Variants in IL10RB observed in about 807,000 individuals in gnomAD.
IL10RB encodes interleukin 10 receptor subunit beta.
In IL10RB, 30 loss-of-function variants were observed where a neutral mutation model predicts 38.7. That is an observed-to-expected ratio of 0.78 (90% CI 0.58 to 1.05). The LOEUF is 1.05. IL10RB is among the 50% of genes least tolerant of loss of function. IL10RB has a pLI of 0.00. For missense variants in IL10RB, 328 were observed against 397.1 expected (o/e 0.83, Z 1.48); for synonymous variants, 142 against 145.9 (o/e 0.97, Z 0.19).
intron 4 of IL10RB, among the ~76,000 whole-genome samples, chr21:33,280,881 T>C (rs1989268176): frequency 6.6e-6 from 1 of 152,212 alleles, no homozygotes; most frequent in East Asian, 1.9e-4. Flanking sequence ...AGTTAATTTT[T>C]TTCCCCAAAA....
chr21:33,276,084 T>G (rs1989165210), intron 2 of IL10RB, among the ~76,000 whole-genome samples: 3 of 152,238 alleles, frequency 2.0e-5, no homozygotes, highest in African/African-American at 7.2e-5. Context: ...GCTGCAGACC[T>G]TCGATTTGTA....
chr21:33,296,434 C>A lies in IL10RB; in HGVS notation c.*77C>A. 2 of 1,456,312 alleles carry A rather than the reference C, an allele frequency of 1.4e-6. No homozygotes were observed. Among genetic ancestry groups the A allele is most frequent in the Non-Finnish European group, 9.5e-7 (1 of 1,054,372 alleles). The allele number at this position is 1,456,312 out of a possible 1,614,324, so 90.2% of individuals were successfully genotyped here. The stretch of plus-strand genomic sequence containing the variant: ...CATCTGCCTCAGTGAGGGATCAGGG[C>A]AGCAAACAAGGGCCAAGACCATCTG... On this transcript the variant is annotated 3_prime_UTR_variant, in exon 7 of 7. Coordinates refer to ENST00000290200, the MANE Select transcript of IL10RB (RefSeq NM_000628.5).
intron 2 of IL10RB, among the ~76,000 whole-genome samples, chr21:33,270,220 T>C (rs1056940779): frequency 6.6e-6 from 1 of 152,212 alleles, no homozygotes. Flanking sequence ...ATGTGCATTT[T>C]CTAGTACTGA....
In IL10RB at chr21:33,296,718, C is replaced by G. The variant is rs2082968923; in HGVS notation, c.*361C>G. 7.9e-6 allele frequency: 3 copies of G among 380,604 alleles called. No individual in the cohort carries two copies. Among genetic ancestry groups the G allele is most frequent in the Non-Finnish European group, 1.5e-5 (3 of 193,578 alleles). 23.6% of individuals were successfully genotyped at this position (380,604 alleles called of 1,614,324 possible). ...AATACCAGCACCTTAGAGGTCGAGG[C>G]AGGCGGATCACTTGAGGTCAGGAGT... On this transcript the variant is annotated 3_prime_UTR_variant, in exon 7 of 7. Transcript: ENST00000290200.
Position 33,274,368 on chromosome 21 carries a change from T to A in IL10RB, c.174-2228T>A, listed in dbSNP as rs145756897. On this transcript the variant is annotated intron_variant, in intron 2 of 6. Coordinates refer to ENST00000290200, the MANE Select transcript of IL10RB (RefSeq NM_000628.5). ...ATTTTTTTTTTAGTAAAGTCAGGGT[T>A]TCACCATGTTGGCCAGGCTGGTCTC... is the stretch of plus-strand genomic sequence containing the variant. Among the ~76,000 whole-genome samples, 363 of 152,158 alleles carry A rather than the reference T, an allele frequency of 2.4e-3. 3 individuals are homozygous for A. The highest frequency in any genetic ancestry group is 8.2e-3 in the African/African-American group (342 of 41,510).
intron 6 of IL10RB, among the ~76,000 whole-genome samples, chr21:33,292,933 A>G (rs1375199022): frequency 6.6e-6 from 1 of 152,214 alleles, no homozygotes; most frequent in Non-Finnish European, 1.5e-5. Flanking sequence ...CCGTGCCAGC[A>G]GCCTCCTGTG....
At position 33,276,344 on chromosome 21, in the gene IL10RB, C is replaced by T. The variant is rs1020355353; in HGVS notation, c.174-252C>T. 5.9e-5 allele frequency among the ~76,000 whole-genome samples: 9 copies of T among 152,230 alleles called. No homozygotes were observed. In the East Asian group the frequency reaches 1.5e-3, roughly 26 times the overall value. ...TCAATGTCTCATAAATCACATGCCC[C>T]TGTTTTCAAAAATACGTAATCAAGG... On this transcript the variant is annotated intron_variant, in intron 2 of 6. Coordinates refer to ENST00000290200, the MANE Select transcript of IL10RB (RefSeq NM_000628.5).
chr21:33,269,132 C>T (rs1278676136), intron 2 of IL10RB, among the ~76,000 whole-genome samples: 3 of 152,224 alleles, frequency 2.0e-5, no homozygotes, highest in Non-Finnish European at 4.4e-5. Context: ...ACCCCATTCT[C>T]GGACAACAGC....
At chr21:33,288,004 T>TC (rs1989406662) in intron 5 of IL10RB, 100 bp from the exon 6 acceptor site, 2 of 1,160,050 alleles carry the variant, frequency 1.7e-6, no homozygotes, top group African/African-American at 3.0e-5. Flanking sequence ...AAGATAAACG[T>TC]ACAGGCTCTG....
At chr21:33,284,073 A>G (rs1488970011) in intron 5 of IL10RB, among the ~76,000 whole-genome samples, 1 of 152,180 alleles carries the variant, frequency 6.6e-6, no homozygotes, top group African/African-American at 2.4e-5. Context: ...AGGCGGGCGG[A>G]TCACCTGAGG....
intron 4 of IL10RB, among the ~76,000 whole-genome samples, chr21:33,282,783 C>T (rs1255271959): frequency 6.6e-6 from 1 of 151,940 alleles, no homozygotes; most frequent in East Asian, 1.9e-4. Flanking sequence ...CTCCTCAGTC[C>T]CCCAAAGTGC....
At position 33,296,525 on chromosome 21, in the gene IL10RB, C is replaced by T. The variant is rs1188912110; in HGVS notation, c.*168C>T. On this transcript the variant is annotated 3_prime_UTR_variant, in exon 7 of 7. Coordinates refer to ENST00000290200, the MANE Select transcript of IL10RB (RefSeq NM_000628.5). ...CCACCAGAGAGCTACATTTTAAAGG[C>T]TGTCTTGGCAAAAATACTCCATTTG... 2 of 732,658 alleles carry T rather than the reference C, an allele frequency of 2.7e-6. No individual in the cohort carries two copies. Among genetic ancestry groups the T allele is most frequent in the South Asian group, 3.0e-5 (2 of 67,694 alleles). The allele number at this position is 732,658 out of a possible 1,614,324, so 45.4% of individuals were successfully genotyped here.
intron 1 of IL10RB, among the ~76,000 whole-genome samples, chr21:33,307,546 C>T (rs546074723): frequency 2.5e-4 from 38 of 152,280 alleles, no homozygotes; most frequent in African/African-American, 6.7e-4. Flanking sequence ...CCTTGTTCTT[C>T]GGTTTCTCAG....
chr21:33,294,494 A>T (rs79508510), intron 6 of IL10RB, among the ~76,000 whole-genome samples: 1 of 152,102 alleles, frequency 6.6e-6, no homozygotes, highest in African/African-American at 2.4e-5. Flanking sequence ...TCCCAGGAAA[A>T]TCCAGAGTAG....
chr21:33,290,349 A>C (rs1989461582), intron 6 of IL10RB, among the ~76,000 whole-genome samples: 1 of 152,138 alleles, frequency 6.6e-6, no homozygotes, highest in African/African-American at 2.4e-5. Flanking sequence ...CAAGAAATAA[A>C]AATCAAAATT....
intron 3 of IL10RB, among the ~76,000 whole-genome samples, chr21:33,279,492 C>G (rs1182778416): frequency 3.9e-5 from 6 of 152,138 alleles, no homozygotes; most frequent in Non-Finnish European, 8.8e-5. Context: ...AATAGCGTAG[C>G]TGGAATAATT....
At chr21:33,305,841 T>A (rs763591773) in intron 1 of IL10RB, among the ~76,000 whole-genome samples, 6 of 152,104 alleles carry the variant, frequency 3.9e-5, no homozygotes, top group African/African-American at 7.2e-5. Flanking sequence ...TAATTTTTAA[T>A]ATTTTTTTGA....
At chr21:33,276,780 T>G in intron 3 of IL10RB, 27 bp downstream of exon 3, 1 of 1,600,876 alleles carries the variant, frequency 6.2e-7, no homozygotes, top group Non-Finnish European at 8.6e-7. Flanking sequence ...TCCCTTTTTT[T>G]GTAATGTCAT....
At chr21:33,291,159 G>A (rs1989479367) in intron 6 of IL10RB, among the ~76,000 whole-genome samples, 1 of 152,038 alleles carries the variant, frequency 6.6e-6, no homozygotes, top group Non-Finnish European at 1.5e-5. Context: ...ACGGGAGGAG[G>A]GCTCACCCTG....
Sources: gnomAD v4.1 joint callset for allele counts (sites outside exome capture counted in the v4.1 genomes callset) on GRCh38, gnomAD v4.1.1 for gene constraint, MANE v1.5 for transcripts, NCBI Gene and HGNC (gene_info 2026-07-23, HGNC 2026-07-21) for gene names.